Variants in CCDC178 observed in about 807,000 individuals in gnomAD.
CCDC178 encodes coiled-coil domain-containing protein 178.
A neutral mutation model predicts 117.4 loss-of-function variants in CCDC178; 126 were observed. The observed-to-expected ratio is 1.07, with a 90% CI of 0.93 to 1.24. The LOEUF (loss-of-function observed/expected upper bound fraction) is 1.24. Among genes scored for constraint, CCDC178 ranks in the 50% most tolerant of loss-of-function variants. CCDC178 has a pLI of 0.00. For missense variants in CCDC178, 1,030 were observed against 986.9 expected, an observed-to-expected ratio of 1.04 and a Z score of -0.59; for synonymous variants, 283 against 313.4, an observed-to-expected ratio of 0.90 and a Z score of 1.02.
intron 21 of CCDC178, among the ~76,000 whole-genome samples, chr18:33,000,625 T>A (rs1453592687): frequency 6.6e-6 from 1 of 152,168 alleles, no homozygotes; most frequent in African/African-American, 2.4e-5. Context: ...CTCCAATATG[T>A]TTGGCAGCAG....
At chr18:33,437,160 G>A (rs1414883886) in intron 2 of CCDC178, among the ~76,000 whole-genome samples, 1 of 152,132 alleles carries the variant, frequency 6.6e-6, no homozygotes, top group East Asian at 1.9e-4. Flanking sequence ...CAAAGAATTT[G>A]TCGCAAGTGT....
intron 11 of CCDC178, among the ~76,000 whole-genome samples, chr18:33,308,404 G>C (rs1440995284): frequency 6.6e-6 from 1 of 152,130 alleles, no homozygotes; most frequent in Admixed American, 6.5e-5. Flanking sequence ...CCCAATGCTT[G>C]TACCCCCATT....
intron 14 of CCDC178, among the ~76,000 whole-genome samples, chr18:33,253,524 G>A (rs926841001): frequency 6.6e-6 from 1 of 151,806 alleles, no homozygotes; most frequent in Non-Finnish European, 1.5e-5. Flanking sequence ...GGACTAAGGG[G>A]AAGGTGATTC....
intron 22 of CCDC178, 116 bp from the exon 23 acceptor site, chr18:32,938,207 C>T: frequency 2.8e-6 from 2 of 703,610 alleles, no homozygotes; most frequent in South Asian, 3.4e-5. Flanking sequence ...TAACGACAAA[C>T]ACCATTACAT....
At chr18:33,002,528 G>A (rs149461841) in intron 21 of CCDC178, among the ~76,000 whole-genome samples, 14 of 151,934 alleles carry the variant, frequency 9.2e-5, no homozygotes, top group Admixed American at 2.6e-4. Flanking sequence ...ATGGGATATG[G>A]TAAAAGCAGT....
chr18:33,039,602 G>A (rs994553097), intron 21 of CCDC178, among the ~76,000 whole-genome samples: 5 of 151,934 alleles, frequency 3.3e-5, no homozygotes, highest in Admixed American at 3.3e-4. Context: ...TAAAATACTT[G>A]CAGAAAGTTT....
intron 12 of CCDC178, among the ~76,000 whole-genome samples, chr18:33,286,080 TCTC>T (rs1450065576): frequency 6.7e-6 from 1 of 149,958 alleles, no homozygotes; most frequent in Non-Finnish European, 1.5e-5. Flanking sequence ...TTCAAGCAAT[TCTC>T]CTGCCTGAGC....
intron 6 of CCDC178, among the ~76,000 whole-genome samples, chr18:33,361,693 T>A (rs907177131): frequency 1.3e-5 from 2 of 151,730 alleles, no homozygotes; most frequent in Non-Finnish European, 3.0e-5. Context: ...AAAACAGGTA[T>A]GCAAAAAGGT....
intron 11 of CCDC178, among the ~76,000 whole-genome samples, chr18:33,296,240 G>A (rs2062104588): frequency 6.6e-6 from 1 of 152,026 alleles, no homozygotes. Flanking sequence ...GGCAAGACTA[G>A]AGATAGAGAA....
chr18:33,292,402 T>C (rs1568121705), intron 12 of CCDC178, among the ~76,000 whole-genome samples: 1 of 151,982 alleles, frequency 6.6e-6, no homozygotes, highest in Admixed American at 6.6e-5. Context: ...AGTAGAACAG[T>C]GATAACTAGA....
chr18:33,230,860 C>A (rs2059360726), intron 15 of CCDC178, among the ~76,000 whole-genome samples: 1 of 152,198 alleles, frequency 6.6e-6, no homozygotes, highest in Non-Finnish European at 1.5e-5. Context: ...AGACTGCCTT[C>A]TCCAGAAACG....
chr18:33,201,404 T>A (rs1428256979), intron 20 of CCDC178, among the ~76,000 whole-genome samples: 1 of 152,200 alleles, frequency 6.6e-6, no homozygotes, highest in Non-Finnish European at 1.5e-5. Context: ...CTGATGCCAC[T>A]CTTTTTATCA....
chr18:33,327,110 C>T (rs1189662861), intron 10 of CCDC178, among the ~76,000 whole-genome samples: 2 of 152,172 alleles, frequency 1.3e-5, no homozygotes, highest in East Asian at 1.9e-4. Context: ...AAACAAAACT[C>T]GATATTACAT....
At chr18:33,333,084 C>T in intron 10 of CCDC178, 90 bp downstream of exon 10, 1 of 596,356 alleles carries the variant, frequency 1.7e-6, no homozygotes, top group South Asian at 2.6e-5. Flanking sequence ...AAAAAAAAAA[C>T]CTTTAAAGCT....
chr18:33,094,599 A>G (rs1437200436), intron 20 of CCDC178, among the ~76,000 whole-genome samples: 1 of 151,870 alleles, frequency 6.6e-6, no homozygotes, highest in East Asian at 1.9e-4. Context: ...GAGGAGTGAT[A>G]CAGAGTTCCG....
At chr18:33,248,163 G>A (rs551675744) in intron 14 of CCDC178, among the ~76,000 whole-genome samples, 1 of 151,750 alleles carries the variant, frequency 6.6e-6, no homozygotes, top group Non-Finnish European at 1.5e-5. Flanking sequence ...TCAAATCTAA[G>A]CAAAAATAAA....
intron 20 of CCDC178, among the ~76,000 whole-genome samples, chr18:33,114,079 C>CA (rs1380567502): frequency 6.6e-6 from 1 of 151,928 alleles, no homozygotes; most frequent in Non-Finnish European, 1.5e-5. Flanking sequence ...AGGAGATTGA[C>CA]AAAAAAGAGA....
chr18:33,150,644 G>T (rs2058330572), intron 20 of CCDC178, among the ~76,000 whole-genome samples: 1 of 152,046 alleles, frequency 6.6e-6, no homozygotes, highest in African/African-American at 2.4e-5. Flanking sequence ...ACGAGATGTT[G>T]GTGTGGATGT....
chr18:33,349,156 G>C (rs973226899), intron 7 of CCDC178, among the ~76,000 whole-genome samples, 181 bp from the exon 8 acceptor site: 1 of 151,528 alleles, frequency 6.6e-6, no homozygotes, highest in Non-Finnish European at 1.5e-5. Context: ...TACACTTAAC[G>C]GTAAATTAAT....
Sources: allele counts gnomAD v4.1 joint callset (sites outside exome capture counted in the v4.1 genomes callset), GRCh38; gene constraint gnomAD v4.1.1; transcripts MANE v1.5; gene names NCBI Gene and HGNC (gene_info 2026-07-23, HGNC 2026-07-21).